HSPA9: variants seen among roughly 807,000 people sequenced by gnomAD.
The protein encoded by HSPA9 is heat shock protein family A (Hsp70) member 9.
HSPA9 carries 28 observed loss-of-function variants against 81.5 expected under a neutral mutation model. The ratio of observed to expected loss-of-function variants is 0.34; its 90% CI spans 0.25 to 0.47. HSPA9 has a LOEUF of 0.47. Ranked by LOEUF, HSPA9 falls within the 20% of genes least tolerant of loss-of-function variation. HSPA9 has a pLI of 1.00. For synonymous variants in HSPA9, 293 were observed against 290.4 expected (o/e 1.01, Z -0.09); for missense variants, 678 against 838.0 (o/e 0.81, Z 2.36).
Position 138,567,282 on chromosome 5 carries a change from CTAGT to C in HSPA9, c.717-123_717-120del, listed in dbSNP as rs1015801165. Reference sequence around the variant, plus strand: ...CTAAGCTATTTCCCTGAGATATGTACTAGTTAAATTACCATGGCCCAAAAGAAAA... The same window carrying C: ...CTAAGCTATTTCCCTGAGATATGTACTAAATTACCATGGCCCAAAAGAAAA... On this transcript the variant is annotated intron_variant, in intron 7 of 16. Transcript: ENST00000297185. 5 of 1,011,628 alleles carry C rather than the reference CTAGT, an allele frequency of 4.9e-6. No homozygotes were observed. The Admixed American group carries it at 1.1e-4, about 22-fold the overall frequency. The allele number at this position is 1,011,628 out of a possible 1,614,324, so 62.7% of individuals were successfully genotyped here.
At chr5:138,564,270 A>G (rs557099333) in intron 9 of HSPA9, among the ~76,000 whole-genome samples, 123 of 152,102 alleles carry the variant, frequency 8.1e-4, no homozygotes, top group African/African-American at 2.7e-3. Flanking sequence ...CACTTGGCTA[A>G]TTTTTGTATT....
At position 138,554,360 on chromosome 5, in the gene HSPA9, C is replaced by A. The variant is rs138828606; in HGVS notation, c.*1677G>T. Reference sequence around the variant, plus strand: ...AGTTATCTTTAGGAGACAGTAGAGGCAGTGGGCAAGGGCCAACCAAAAATG... The same window carrying A: ...AGTTATCTTTAGGAGACAGTAGAGGAAGTGGGCAAGGGCCAACCAAAAATG... On this transcript the variant is annotated 3_prime_UTR_variant, in exon 17 of 17. Coordinates refer to ENST00000297185, the MANE Select transcript of HSPA9 (RefSeq NM_004134.7). Among the ~76,000 whole-genome samples, 6 of 152,330 alleles carry A rather than the reference C, an allele frequency of 3.9e-5. No homozygotes were observed. The East Asian group carries it at 1.2e-3, about 29-fold the overall frequency.
chr5:138,563,686 A>ATCTATAAAGCC (rs1304529676), intron 9 of HSPA9, among the ~76,000 whole-genome samples: 1 of 152,238 alleles, frequency 6.6e-6, no homozygotes, highest in African/African-American at 2.4e-5. Context: ...CAAATCCCAA[A>ATCTATAAAGCC]TCTATAAAGC....
At chr5:138,562,809 AC>A (rs768354503) in intron 9 of HSPA9, among the ~76,000 whole-genome samples, 1 of 152,192 alleles carries the variant, frequency 6.6e-6, no homozygotes. Flanking sequence ...CATGCCATTA[AC>A]CCTGGGCTCT....
chr5:138,570,849 G>A (rs1750867843), intron 4 of HSPA9, 111 bp downstream of exon 4: 3 of 982,374 alleles, frequency 3.1e-6, no homozygotes, highest in Admixed American at 1.7e-5. Flanking sequence ...GGGACAATAA[G>A]TAAAATTACT....
chr5:138,558,313 CA>C (rs34411539), intron 12 of HSPA9, among the ~76,000 whole-genome samples: 8,305 of 152,066 alleles, frequency 0.055, 288 homozygotes, highest in African/African-American at 0.1. Context: ...GTAACAATAT[CA>C]AATGTCTTTT....
chr5:138,575,391 G>A lies in HSPA9; in HGVS notation c.-73C>T, dbSNP rs764152684. 9 of 1,334,144 alleles carry A rather than the reference G, an allele frequency of 6.7e-6. No homozygotes were observed. In the African/African-American group the frequency reaches 7.2e-5, roughly 11 times the overall value. The allele number at this position is 1,334,144 out of a possible 1,614,324, so 82.6% of individuals were successfully genotyped here. On this transcript the variant is annotated 5_prime_UTR_variant, in exon 1 of 17. Transcript: ENST00000297185. ...CAAAGAGCTGCGCGATGCGGTGGCGGCAGCGCTTCTGGAAACCTCCAACCA... is the reference window on the plus strand; with the variant it reads ...CAAAGAGCTGCGCGATGCGGTGGCGACAGCGCTTCTGGAAACCTCCAACCA...
chr5:138,571,884 A>C (rs1428849154), intron 3 of HSPA9, among the ~76,000 whole-genome samples: 2 of 147,970 alleles, frequency 1.4e-5, no homozygotes, highest in Non-Finnish European at 3.0e-5. Context: ...CTGGTCTCGA[A>C]CTCCTGACCT....
At position 138,569,017 on chromosome 5, in the gene HSPA9, G is replaced by A; in HGVS notation, c.443C>T (p.Ser148Phe). ...KNVPFKIVRA[S>F]NGDAWVEAHG... is the part of the protein sequence containing the mutation. ...AGCCTCAACCCAGGCATCACCATTG[G>A]AGGCACGGACAATTTTAAAGGGAAC... is the stretch of plus-strand genomic sequence containing the variant. The change falls in exon 5 of 17, where the codon TCC becomes TTC. Residue 148 changes from serine to phenylalanine, a missense_variant. Physicochemically the swap from Ser to Phe is radical, Grantham distance 155. This residue lies in a region of HSPA9 where 484 missense variants were observed against 647.5 expected (regional missense o/e 0.75). Transcript: ENST00000297185. The A allele has an allele frequency of 6.2e-7, 1 of 1,613,932 alleles. No homozygotes were observed. Among genetic ancestry groups the A allele is most frequent in the Non-Finnish European group, 8.5e-7 (1 of 1,179,840 alleles).
intron 1 of HSPA9, chr5:138,575,028 G>T: frequency 1.7e-6 from 1 of 602,932 alleles, no homozygotes; most frequent in South Asian, 2.0e-5. Context: ...AGATCGCGAG[G>T]GGTGTGACTC....
Position 138,559,948 on chromosome 5 carries a change from G to T in HSPA9, c.1326C>A (p.Pro442=). Reference sequence around the variant, plus strand: ...CTAGAGTTTCAATACCCAGAGACAGGGGAGTGACATCAAGGAGCAGCACAT... The same window carrying T: ...CTAGAGTTTCAATACCCAGAGACAGTGGAGTGACATCAAGGAGCAGCACAT... ...VTDVLLLDVT[P]LSLGIETLGG... The change falls in exon 11 of 17, where the codon CCC becomes CCA. Residue 442 remains proline, a synonymous_variant. Transcript: ENST00000297185. 6.2e-7 allele frequency: 1 copy of T among 1,614,048 alleles called. No homozygotes were observed. The highest frequency in any genetic ancestry group is 1.1e-5 in the South Asian group (1 of 91,070).
In HSPA9 at chr5:138,567,106, C is replaced by T. The variant is rs41295717; in HGVS notation, c.774G>A (p.Gln258=). The T allele has an allele frequency of 0.011, 17,070 of 1,613,680 alleles. 118 individuals carry two copies. Among genetic ancestry groups the T allele is most frequent in the Middle Eastern group, 0.017 (102 of 6,050 alleles). Residue 258 remains glutamine, a synonymous_variant, in exon 8 of 17, where the codon CAG becomes CAA. Coordinates refer to ENST00000297185, the MANE Select transcript of HSPA9 (RefSeq NM_004134.7). The part of the protein sequence containing the change: ...GTFDISILEI[Q]KGVFEVKSTN... ...TGGATTTCACCTCAAATACTCCTTT[C>T]TGAATTTCCAGGATAGAAATATCAA...
In HSPA9 at chr5:138,556,788, A is replaced by AT; in HGVS notation, c.1806dup (p.Leu603IlefsTer4). ...ATAGAACTCACCTCATCAGCAGGTA[A>AT]TTGGTCCTTGAATTCTTCCATCTTG... On this transcript the variant is annotated frameshift_variant, in exon 15 of 17. Transcript: ENST00000297185. LOFTEE classifies it high-confidence loss of function. 1 of 1,613,158 alleles carries AT rather than the reference A, an allele frequency of 6.2e-7. No individual in the cohort carries two copies. The highest frequency in any genetic ancestry group is 1.1e-5 in the South Asian group (1 of 91,064).
Position 138,573,792 on chromosome 5 carries a change from C to T in HSPA9, c.199G>A (p.Val67Met), listed in dbSNP as rs147463169. Reference protein sequence around the residue: ...GIDLGTTNSCVAVMEGKQAKV... With the variant: ...GIDLGTTNSCMAVMEGKQAKV... ...GCTTGTTTACCTTCCATAACTGCCA[C>T]GCAGGAGTTGGTAGTACCCAAATCA... Residue 67 changes from valine to methionine, a missense_variant, in exon 3 of 17, where the codon GTG (valine) becomes ATG (methionine). Physicochemically the swap from Val to Met is conservative, Grantham distance 21. Around this residue, in one of 4 missense-constraint regions of HSPA9, gnomAD observed 5 missense variants for 20.6 expected, o/e 0.24. Transcript: ENST00000297185. 47 of 1,612,842 alleles carry T rather than the reference C, an allele frequency of 2.9e-5. No individual in the cohort carries two copies. The African/African-American group carries it at 4.9e-4, about 17-fold the overall frequency.
Position 138,557,889 on chromosome 5 carries a change from C to G in HSPA9, c.1613G>C (p.Gly538Ala), listed in dbSNP as rs762000593. 5 of 1,608,774 alleles carry G rather than the reference C, an allele frequency of 3.1e-6. No individual in the cohort carries two copies. The South Asian group carries it at 4.4e-5, about 14-fold the overall frequency. Residue 538 changes from glycine (G) to alanine (A), a missense_variant, in exon 13 of 17, where the codon GGC becomes GCC. Transcript: ENST00000297185. The stretch of plus-strand genomic sequence containing the variant: ...CTTACTCTGCTGCTCACGTCCTGTG[C>G]CTTTATCTTTAGCAGAAACATGTAC... ...GIVHVSAKDK[G>A]TGREQQIVIQ...
At chr5:138,569,896 GTT>G (rs11368588) in intron 4 of HSPA9, among the ~76,000 whole-genome samples, 6 of 144,942 alleles carry the variant, frequency 4.1e-5, no homozygotes, top group Non-Finnish European at 3.0e-5. Context: ...TATGCTTCTA[GTT>G]TTTTTTTTTT....
rs1276537937 is a variant in HSPA9, at chr5:138,559,786, A to T, written c.1410+78T>A. 1.4e-5 allele frequency: 13 copies of T among 951,504 alleles called. No individual in the cohort carries two copies. In the East Asian group the frequency reaches 2.9e-4, roughly 21 times the overall value. 58.9% of individuals were successfully genotyped at this position (951,504 alleles called of 1,614,324 possible). On this transcript the variant is annotated intron_variant, in intron 11 of 16. Coordinates refer to ENST00000297185, the MANE Select transcript of HSPA9 (RefSeq NM_004134.7). Reference sequence around the variant, plus strand: ...ATAAAAATGAAGTTTTCTAGAAAAAACTCATGAAAGTGGCTGCAATTACAT... The same window carrying T: ...ATAAAAATGAAGTTTTCTAGAAAAATCTCATGAAAGTGGCTGCAATTACAT...
At chr5:138,575,002 T>C in intron 1 of HSPA9, 1 of 592,360 alleles carries the variant, frequency 1.7e-6, no homozygotes, top group Non-Finnish European at 3.0e-6. Flanking sequence ...ACCTGGTAAT[T>C]TTGAAATGAC....
At chr5:138,560,174 C>T in intron 10 of HSPA9, 83 bp from the exon 11 acceptor site, 1 of 923,524 alleles carries the variant, frequency 1.1e-6, no homozygotes, top group South Asian at 1.4e-5. Context: ...GTCCTACGCT[C>T]CCAGCCAGAT....
Sources: allele counts gnomAD v4.1 joint callset (sites outside exome capture counted in the v4.1 genomes callset), GRCh38; gene constraint gnomAD v4.1.1; regional missense constraint gnomAD v4.1.1; transcripts MANE v1.5; gene names NCBI Gene and HGNC (gene_info 2026-07-23, HGNC 2026-07-21).